The following L3MBTL4 variants were observed in gnomAD, a reference collection of about 807,000 sequenced individuals.
L3MBTL4 encodes the protein lethal(3)malignant brain tumor-like protein 4.
Under a neutral mutation model 84.5 loss-of-function variants are expected in L3MBTL4, and 70 were observed. That is an observed-to-expected ratio of 0.83 (90% CI 0.68 to 1.01). The LOEUF is 1.01. Among genes scored for constraint, L3MBTL4 ranks in the 50% least tolerant of loss-of-function variants. The probability of loss-of-function intolerance (pLI) is 0.00; values close to 1 mark genes in which losing one functional copy is unlikely to be tolerated. For missense variants in L3MBTL4, 715 were observed against 754.8 expected (o/e 0.95, Z 0.62); for synonymous variants, 274 against 259.8 (o/e 1.05, Z -0.52).
At chr18:6,075,479 A>G (rs1417140976) in intron 16 of L3MBTL4, among the ~76,000 whole-genome samples, 1 of 152,196 alleles carries the variant, frequency 6.6e-6, no homozygotes, top group Non-Finnish European at 1.5e-5. Flanking sequence ...CTGAATATTC[A>G]AAGAAAAAGT....
chr18:6,170,961 A>T (rs1354134751), intron 13 of L3MBTL4, among the ~76,000 whole-genome samples: 1 of 152,156 alleles, frequency 6.6e-6, no homozygotes, highest in Non-Finnish European at 1.5e-5. Context: ...AAGGGCCTTC[A>T]TCTCTTTGAT....
rs193120392 is a variant in L3MBTL4, at chr18:6,288,448, T to C, written c.127+13455A>G. ...TTAAACTTTTGGTAAATTAGAAATA[T>C]CTTCAAAATTGTCAACATATATTTT... On this transcript the variant is annotated intron_variant, in intron 4 of 18. Transcript: ENST00000317931. Among the ~76,000 whole-genome samples, 329 of 152,320 alleles carry C rather than the reference T, an allele frequency of 2.2e-3. 2 individuals are homozygous for C. The highest frequency in any genetic ancestry group is 7.8e-3 in the African/African-American group (323 of 41,578).
rs1046672256 is a variant in L3MBTL4 at position 6,311,440 on chromosome 18, C to G, written c.72+114G>C. 7.7e-6 allele frequency: 6 copies of G among 782,156 alleles called. No individual in the cohort carries two copies. In the African/African-American group the frequency reaches 1.0e-4, roughly 13 times the overall value. 48.5% of individuals were successfully genotyped at this position (782,156 alleles called of 1,614,324 possible). A position where few individuals can be genotyped will look rare whatever the true frequency, so the allele number is the denominator to read the frequency against. On this transcript the variant is annotated intron_variant, in intron 3 of 18. Transcript: ENST00000317931. The stretch of plus-strand genomic sequence containing the variant: ...CATAAAGCTCAAGCAGAAGCCACAT[C>G]GTTTCAAGTGACTGAAAAGCCCCTG...
chr18:6,055,770 G>A (rs1421412820), intron 16 of L3MBTL4, among the ~76,000 whole-genome samples: 3 of 152,148 alleles, frequency 2.0e-5, no homozygotes, highest in African/African-American at 7.2e-5. Context: ...CAGTGCCAGA[G>A]AAACAGTGAC....
At chr18:6,186,972 G>C (rs1211489855) in intron 12 of L3MBTL4, among the ~76,000 whole-genome samples, 2 of 152,128 alleles carry the variant, frequency 1.3e-5, no homozygotes, top group Non-Finnish European at 2.9e-5. Context: ...AGAAGGTGCT[G>C]TCCTGTGTGA....
intron 1 of L3MBTL4, among the ~76,000 whole-genome samples, chr18:6,376,191 C>G (rs1266677376): frequency 6.6e-6 from 1 of 152,182 alleles, no homozygotes; most frequent in Non-Finnish European, 1.5e-5. Context: ...CTCCTCAGCA[C>G]CTGTGCACTC....
intron 12 of L3MBTL4, among the ~76,000 whole-genome samples, chr18:6,187,574 T>C (rs2044836999): frequency 2.0e-5 from 3 of 152,198 alleles, no homozygotes. Flanking sequence ...CATGTTTACA[T>C]GTACTGCACC....
intron 17 of L3MBTL4, 145 bp downstream of exon 17, chr18:5,969,248 A>T: frequency 1.2e-6 from 1 of 833,402 alleles, no homozygotes; most frequent in Non-Finnish European, 1.9e-6. Context: ...CCTCTAATTT[A>T]GGTTTTAAAG....
intron 1 of L3MBTL4, among the ~76,000 whole-genome samples, chr18:6,377,104 T>C (rs538403397): frequency 9.2e-5 from 14 of 152,108 alleles, no homozygotes; most frequent in Non-Finnish European, 1.3e-4. Context: ...CCTGGCCCCC[T>C]GTCTCAAGGG....
At chr18:6,071,824 G>GAA in intron 16 of L3MBTL4, among the ~76,000 whole-genome samples, 1 of 121,430 alleles carries the variant, frequency 8.2e-6, no homozygotes, top group Non-Finnish European at 1.6e-5. Flanking sequence ...AGGAAAGAAA[G>GAA]AAAGAAAGAA....
chr18:6,091,202 T>A (rs1216505470), intron 15 of L3MBTL4, among the ~76,000 whole-genome samples: 2 of 152,172 alleles, frequency 1.3e-5, no homozygotes, highest in African/African-American at 4.8e-5. Context: ...TTAACCTACA[T>A]ATCATTCCTT....
At chr18:6,403,865 G>A (rs1278338174) in intron 1 of L3MBTL4, among the ~76,000 whole-genome samples, 2 of 151,902 alleles carry the variant, frequency 1.3e-5, no homozygotes, top group Non-Finnish European at 2.9e-5. Context: ...ATCAGCCAAC[G>A]AGTGGATAAA....
At chr18:6,050,494 G>C (rs1018573770) in intron 16 of L3MBTL4, among the ~76,000 whole-genome samples, 2 of 152,090 alleles carry the variant, frequency 1.3e-5, no homozygotes, top group African/African-American at 2.4e-5. Flanking sequence ...AAGTTCCATA[G>C]TCTTTATAAA....
At chr18:6,366,879 T>C (rs765461847) in intron 1 of L3MBTL4, among the ~76,000 whole-genome samples, 2 of 152,256 alleles carry the variant, frequency 1.3e-5, no homozygotes, top group Non-Finnish European at 2.9e-5. Flanking sequence ...ATGTATTGTA[T>C]ACCTACAGGA....
At chr18:6,324,909 C>A (rs569784260) in intron 1 of L3MBTL4, among the ~76,000 whole-genome samples, 1 of 152,124 alleles carries the variant, frequency 6.6e-6, no homozygotes, top group Admixed American at 6.5e-5. Flanking sequence ...TGAAAAGTTG[C>A]TTAACTTCAT....
intron 1 of L3MBTL4, among the ~76,000 whole-genome samples, chr18:6,343,009 G>A (rs2052685354): frequency 6.6e-6 from 1 of 152,132 alleles, no homozygotes; most frequent in South Asian, 2.1e-4. Flanking sequence ...GTTACATATT[G>A]ATAAAGGGGT....
chr18:6,013,709 T>G (rs1051793884), intron 16 of L3MBTL4, among the ~76,000 whole-genome samples: 1 of 152,212 alleles, frequency 6.6e-6, no homozygotes, highest in Non-Finnish European at 1.5e-5. Flanking sequence ...ATTTGCCATG[T>G]TTTTGATTAG....
chr18:6,240,095 C>A (rs2576291), intron 8 of L3MBTL4, among the ~76,000 whole-genome samples: 1 of 152,090 alleles, frequency 6.6e-6, no homozygotes, highest in Non-Finnish European at 1.5e-5. Context: ...TGTGCTTTTG[C>A]CTTTTGTTGT....
Position 6,307,276 on chromosome 18 carries a change from CA to C in L3MBTL4, c.72+4277del, listed in dbSNP as rs35431212. On this transcript the variant is annotated intron_variant, in intron 3 of 18. Coordinates refer to ENST00000317931, the MANE Select transcript of L3MBTL4 (RefSeq NM_001330559.2). ...TGAAACCCCATTTCTATTAAAAATA[CA>C]AAAAAAAAAATGAGCTGAACGTGGT... 2.7e-3 allele frequency among the ~76,000 whole-genome samples: 394 copies of C among 144,454 alleles called. 3 individuals are homozygous for C. The highest frequency in any genetic ancestry group is 0.024 in the South Asian group (108 of 4,502). 94.8% of individuals were successfully genotyped at this position (144,454 alleles called of 152,430 possible).
Sources: gnomAD v4.1 joint callset for allele counts (sites outside exome capture counted in the v4.1 genomes callset) on GRCh38, gnomAD v4.1.1 for gene constraint, MANE v1.5 for transcripts, NCBI Gene and HGNC (gene_info 2026-07-23, HGNC 2026-07-21) for gene names.